Variants in PDE3B observed in about 807,000 individuals in gnomAD.
The protein encoded by PDE3B is cGMP-inhibited 3',5'-cyclic phosphodiesterase 3B.
In PDE3B, 66 loss-of-function variants were observed where a neutral mutation model predicts 116.8. The ratio of observed to expected loss-of-function variants is 0.56; its 90% CI spans 0.46 to 0.69. The LOEUF is 0.69. Ranked by LOEUF, PDE3B falls within the 30% of genes least tolerant of loss-of-function variation. The probability of loss-of-function intolerance (pLI) is 0.00; values close to 1 mark genes in which losing one functional copy is unlikely to be tolerated. For synonymous variants in PDE3B, 595 were observed against 533.6 expected (o/e 1.12, Z -1.59); for missense variants, 1,384 against 1,368.1 (o/e 1.01, Z -0.18).
intron 1 of PDE3B, among the ~76,000 whole-genome samples, chr11:14,696,156 C>T (rs536511053): frequency 8.5e-5 from 13 of 152,302 alleles, no homozygotes; most frequent in African/African-American, 3.1e-4. Flanking sequence ...TTCTCCACAA[C>T]CTTGCCAGCA....
intron 1 of PDE3B, among the ~76,000 whole-genome samples, chr11:14,692,223 A>G (rs188230612): frequency 7.9e-5 from 12 of 152,236 alleles, no homozygotes; most frequent in Admixed American, 3.9e-4. Context: ...GCAGTAAGCT[A>G]TGACCATGCC....
chr11:14,674,515 A>G (rs1025240391), intron 1 of PDE3B: 2 of 513,042 alleles, frequency 3.9e-6, no homozygotes, highest in Non-Finnish European at 7.7e-6. Flanking sequence ...CACTCACTCA[A>G]CCTCCTGGAA....
At chr11:14,786,299 G>A (rs1463781388) in intron 2 of PDE3B, 138 bp from the exon 3 acceptor site, 1 of 567,436 alleles carries the variant, frequency 1.8e-6, no homozygotes, top group African/African-American at 1.9e-5. Flanking sequence ...TAATCAGCTA[G>A]CGAAAAAGAA....
chr11:14,657,381 CACTTT>C (rs779130996), intron 1 of PDE3B, among the ~76,000 whole-genome samples: 3 of 152,134 alleles, frequency 2.0e-5, no homozygotes, highest in African/African-American at 4.8e-5. Flanking sequence ...CAGTATTAGT[CACTTT>C]ACTTTACTGC....
At chr11:14,885,835 C>G in the PDE3B span, 1 of 1,613,622 alleles carries the variant, frequency 6.2e-7, no homozygotes, top group Non-Finnish European at 8.5e-7. Context: ...AAAAATTTCG[C>G]TTTGATGAAC....
At chr11:14,775,905 A>G (rs1857771422) in intron 2 of PDE3B, 2 of 152,278 alleles carry the variant, frequency 1.3e-5, no homozygotes, top group East Asian at 1.9e-4. Flanking sequence ...CTTTAGTTAT[A>G]TATACTATAC....
At chr11:14,834,832 A>G (rs948106308) in intron 10 of PDE3B, 150 bp from the exon 11 acceptor site, 1 of 433,926 alleles carries the variant, frequency 2.3e-6, no homozygotes, top group African/African-American at 2.0e-5. Context: ...TTTTTTTAAT[A>G]CATCAAGAGA....
chr11:14,658,735 G>A (rs901748115), intron 1 of PDE3B, among the ~76,000 whole-genome samples: 3 of 152,164 alleles, frequency 2.0e-5, no homozygotes, highest in Admixed American at 6.5e-5. Context: ...TTCTGCCTTT[G>A]TTCATTTGTT....
chr11:14,748,834 TA>T (rs1204186780), intron 1 of PDE3B, among the ~76,000 whole-genome samples: 3 of 151,560 alleles, frequency 2.0e-5, no homozygotes, highest in African/African-American at 7.3e-5. Context: ...ATGATACTAT[TA>T]AAAAAAGAGC....
chr11:14,753,829 C>A (rs1215130244), intron 1 of PDE3B, among the ~76,000 whole-genome samples: 3 of 152,064 alleles, frequency 2.0e-5, no homozygotes, highest in Non-Finnish European at 4.4e-5. Context: ...ATTTTAAAAA[C>A]TCCACTTGAT....
chr11:14,753,347 A>C (rs1352376553), intron 1 of PDE3B, among the ~76,000 whole-genome samples: 3 of 152,154 alleles, frequency 2.0e-5, no homozygotes, highest in African/African-American at 4.8e-5. Context: ...CAAATACTTG[A>C]ATTTTAATGT....
chr11:14,654,874 G>A (rs1236531374), intron 1 of PDE3B, among the ~76,000 whole-genome samples: 4 of 149,878 alleles, frequency 2.7e-5, no homozygotes, highest in Non-Finnish European at 5.9e-5. Flanking sequence ...TGTGTGAATG[G>A]CTTCCAAACA....
intron 1 of PDE3B, among the ~76,000 whole-genome samples, chr11:14,731,335 T>A (rs572087316): frequency 6.7e-6 from 1 of 150,112 alleles, no homozygotes; most frequent in African/African-American, 2.5e-5. Context: ...CTCGGCTCAC[T>A]GCAAGTTCCG....
At chr11:14,680,731 A>T (rs1413720987) in intron 1 of PDE3B, among the ~76,000 whole-genome samples, 1 of 152,162 alleles carries the variant, frequency 6.6e-6, no homozygotes, top group African/African-American at 2.4e-5. Context: ...TAACTTTACT[A>T]AACAAGCTGG....
chr11:14,849,759 C>A (rs886457083), intron 12 of PDE3B, among the ~76,000 whole-genome samples: 19 of 152,190 alleles, frequency 1.2e-4, no homozygotes, highest in South Asian at 6.3e-4. Context: ...ACTGGCCATC[C>A]GAGAAATGCA....
At chr11:14,686,971 C>A (rs1323491061) in intron 1 of PDE3B, among the ~76,000 whole-genome samples, 1 of 152,184 alleles carries the variant, frequency 6.6e-6, no homozygotes, top group Non-Finnish European at 1.5e-5. Context: ...CCTCGGCCTT[C>A]CAAAGTGCTG....
At chr11:14,821,288 C>T (rs1859508249) in intron 7 of PDE3B, among the ~76,000 whole-genome samples, 1 of 152,204 alleles carries the variant, frequency 6.6e-6, no homozygotes, top group South Asian at 2.1e-4. Flanking sequence ...CAGAGTGTCA[C>T]TTCTGCCATA....
chr11:14,835,933 A>T (rs1391724739), intron 11 of PDE3B, among the ~76,000 whole-genome samples: 1 of 152,250 alleles, frequency 6.6e-6, no homozygotes, highest in Non-Finnish European at 1.5e-5. Context: ...GCACTGACAT[A>T]TATCAAGACA....
chr11:14,786,143 A>G (rs1472042318), intron 2 of PDE3B, among the ~76,000 whole-genome samples: 1 of 151,616 alleles, frequency 6.6e-6, no homozygotes, highest in Non-Finnish European at 1.5e-5. Flanking sequence ...AATGCTTTGT[A>G]TGTTTAAAAT....
Sources: gnomAD v4.1 joint callset for allele counts (sites outside exome capture counted in the v4.1 genomes callset) on GRCh38, gnomAD v4.1.1 for gene constraint, MANE v1.5 for transcripts, NCBI Gene and HGNC (gene_info 2026-07-23, HGNC 2026-07-21) for gene names.